The following SLCO1A2 variants were observed in gnomAD, a reference collection of about 807,000 sequenced individuals.
SLCO1A2 encodes solute carrier organic anion transporter family member 1A2.
A neutral mutation model predicts 69.0 loss-of-function variants in SLCO1A2; 67 were observed. That is an observed-to-expected ratio of 0.97 (90% CI 0.80 to 1.19). SLCO1A2 has a LOEUF of 1.19. Ranked by LOEUF, SLCO1A2 falls within the 50% of genes most tolerant of loss-of-function variation. SLCO1A2 has a pLI of 0.00. For synonymous variants in SLCO1A2, 260 were observed against 265.9 expected (o/e 0.98, Z 0.22); for missense variants, 787 against 793.7 (o/e 0.99, Z 0.10).
At chr12:21,336,574 A>G (rs1407820692), upstream of SLCO1A2, among the ~76,000 whole-genome samples, 2 of 152,054 alleles carry the variant, frequency 1.3e-5, no homozygotes, top group African/African-American at 4.8e-5. Context: ...TAGTTTTCCA[A>G]CTTATATGAT....
chr12:21,403,142 C>T (rs1033903565), intron 1 of SLCO1A2, among the ~76,000 whole-genome samples: 14 of 152,134 alleles, frequency 9.2e-5, no homozygotes, highest in African/African-American at 3.4e-4. Context: ...TTTAAATGTA[C>T]TTCTAACGCT....
chr12:21,386,586 C>T (rs926431708), intron 1 of SLCO1A2, among the ~76,000 whole-genome samples: 2 of 152,096 alleles, frequency 1.3e-5, no homozygotes, highest in Admixed American at 1.3e-4. Context: ...GTGTTTGCTT[C>T]TCCTTCACCT....
intron 11 of SLCO1A2, among the ~76,000 whole-genome samples, chr12:21,292,916 T>G (rs1947107033): frequency 6.6e-6 from 1 of 152,218 alleles, no homozygotes; most frequent in African/African-American, 2.4e-5. Flanking sequence ...TAAAACAGTG[T>G]TTTGATACAA....
At chr12:21,312,013 G>A (rs117501919) in intron 4 of SLCO1A2, among the ~76,000 whole-genome samples, 1 of 151,086 alleles carries the variant, frequency 6.6e-6, no homozygotes, top group African/African-American at 2.4e-5. Context: ...AGAAGAAGAG[G>A]AGGAGGGAGG....
At chr12:21,302,206 C>G (rs1948798714) in intron 6 of SLCO1A2, among the ~76,000 whole-genome samples, 2 of 152,130 alleles carry the variant, frequency 1.3e-5, no homozygotes, top group Admixed American at 6.6e-5. Flanking sequence ...CTCTCACTCA[C>G]TTTACTCAAA....
At chr12:21,302,028 C>A (rs1270170997) in intron 6 of SLCO1A2, among the ~76,000 whole-genome samples, 1 of 152,140 alleles carries the variant, frequency 6.6e-6, no homozygotes, top group East Asian at 1.9e-4. Context: ...GCCCTATACA[C>A]ACCTAACTTC....
intron 12 of SLCO1A2, among the ~76,000 whole-genome samples, chr12:21,288,613 G>C (rs1428532897): frequency 6.6e-6 from 1 of 152,056 alleles, no homozygotes; most frequent in Non-Finnish European, 1.5e-5. Context: ...GTATTAGAGT[G>C]ACTATAGTGG....
intron 2 of SLCO1A2, among the ~76,000 whole-genome samples, chr12:21,347,669 A>AAAGGAAGGAAGGAAGGAAGGAAGG (rs147886864): frequency 0.17 from 19,717 of 113,216 alleles, 2,250 homozygotes; most frequent in Non-Finnish European, 0.2. Context: ...AGAAAGAAAG[A>AAAGGAAGGAAGGAAGGAAGGAAGG]AAGGAAGGAA....
chr12:21,292,980 A>G (rs1399047135), intron 11 of SLCO1A2, among the ~76,000 whole-genome samples: 2 of 152,224 alleles, frequency 1.3e-5, no homozygotes, highest in Admixed American at 1.3e-4. Context: ...AAATATTTAG[A>G]TGCTTACAAA....
intron 2 of SLCO1A2, among the ~76,000 whole-genome samples, chr12:21,357,083 C>T (rs1396648397): frequency 6.6e-6 from 1 of 152,024 alleles, no homozygotes; most frequent in Non-Finnish European, 1.5e-5. Context: ...AACAAACAAA[C>T]ACTATAGAAT....
chr12:21,385,023 C>A (rs774428440), intron 1 of SLCO1A2, among the ~76,000 whole-genome samples: 2 of 152,022 alleles, frequency 1.3e-5, no homozygotes, highest in Non-Finnish European at 1.5e-5. Flanking sequence ...TCTCGGCCTC[C>A]CAAAGTGCTG....
At chr12:21,297,905 C>A (rs1458536651) in intron 8 of SLCO1A2, among the ~76,000 whole-genome samples, 1 of 152,124 alleles carries the variant, frequency 6.6e-6, no homozygotes, top group African/African-American at 2.4e-5. Context: ...TTTTGTTCTT[C>A]TATTAATATA....
Position 21,346,521 on chromosome 12 carries a change from C to CAA in SLCO1A2, c.-62-11814_-62-11813dup, listed in dbSNP as rs879780466. On this transcript the variant is annotated intron_variant, in intron 2 of 15. Transcript: ENST00000307378. ...ACTTTATTTTTAGAAGATATGTTAGCAAAAAAAAAAAACATATGTGGAACA... is the reference window on the plus strand; with the variant it reads ...ACTTTATTTTTAGAAGATATGTTAGCAAAAAAAAAAAAAACATATGTGGAACA... Among the ~76,000 whole-genome samples, 173 of 138,074 alleles carry CAA rather than the reference C, an allele frequency of 1.3e-3. 2 individuals carry two copies. Among genetic ancestry groups the CAA allele is most frequent in the Admixed American group, 8.0e-4 (11 of 13,718 alleles). The allele number at this position is 138,074 out of a possible 152,430, so 90.6% of individuals were successfully genotyped here.
chr12:21,405,085 T>TG (rs1042891798), intron 1 of SLCO1A2, among the ~76,000 whole-genome samples: 1 of 151,808 alleles, frequency 6.6e-6, no homozygotes, highest in South Asian at 2.1e-4. Context: ...TGGCTTTTTT[T>TG]TTTTTGTAAA....
chr12:21,352,020 G>A (rs1037435209), intron 2 of SLCO1A2, among the ~76,000 whole-genome samples: 3 of 152,160 alleles, frequency 2.0e-5, no homozygotes, highest in Middle Eastern at 3.4e-3. Flanking sequence ...TGGCATAAAC[G>A]AAATCTCGGA....
intron 3 of SLCO1A2, among the ~76,000 whole-genome samples, chr12:21,316,324 T>G (rs1011866062): frequency 1.3e-5 from 2 of 152,154 alleles, no homozygotes; most frequent in Non-Finnish European, 2.9e-5. Flanking sequence ...CTACACATAT[T>G]CTCTAGTTTC....
At chr12:21,418,266 T>C (rs1158622141), upstream of SLCO1A2, among the ~76,000 whole-genome samples, 1 of 152,142 alleles carries the variant, frequency 6.6e-6, no homozygotes, top group African/African-American at 2.4e-5. Context: ...AATTTACATA[T>C]ATGATTAAGA....
At chr12:21,417,878 T>C (rs1315235776) in intron 1 of SLCO1A2, 2 of 152,290 alleles carry the variant, frequency 1.3e-5, no homozygotes, top group Admixed American at 1.3e-4. Flanking sequence ...AATGGAACAC[T>C]GACCTTTGCT....
At chr12:21,400,896 A>AGGGGGGG (rs1941677337) in intron 1 of SLCO1A2, among the ~76,000 whole-genome samples, 1 of 88,256 alleles carries the variant, frequency 1.1e-5, no homozygotes, top group Non-Finnish European at 2.1e-5. Flanking sequence ...GGGAGGGGGG[A>AGGGGGGG]GGGATAGCAT....
Sources: allele counts gnomAD v4.1 joint callset (sites outside exome capture counted in the v4.1 genomes callset), GRCh38; gene constraint gnomAD v4.1.1; transcripts MANE v1.5; gene names NCBI Gene and HGNC (gene_info 2026-07-23, HGNC 2026-07-21).